Variants in GET4 observed in about 807,000 individuals in gnomAD.
GET4 encodes the protein guided entry of tail-anchored proteins factor 4, also known as Golgi to ER traffic protein 4 homolog.
In GET4, 20 loss-of-function variants were observed where a neutral mutation model predicts 40.0. The ratio of observed to expected loss-of-function variants is 0.50; its 90% CI spans 0.35 to 0.73. GET4 has a LOEUF of 0.73. Ranked by LOEUF, GET4 falls within the 30% of genes least tolerant of loss-of-function variation. GET4 has a pLI of 0.01. For synonymous variants in GET4, 280 were observed against 194.6 expected, an observed-to-expected ratio of 1.44 and a Z score of -3.65; for missense variants, 557 against 454.0, an observed-to-expected ratio of 1.23 and a Z score of -2.06.
chr7:886,599 G>C lies in GET4; in HGVS notation c.265G>C (p.Val89Leu). The change falls in exon 3 of 9, where the codon GTC becomes CTC. Residue 89 changes from valine (V) to leucine (L), a missense_variant. By Grantham distance (32) the Val-to-Leu change is conservative (BLOSUM62 1). Transcript: ENST00000265857. Reference sequence around the variant, plus strand: ...CAGTGCAGCAGACTTGTCCATGCTGGTCCTGGAGTCCCTGGAGAAGGCGGA... The same window carrying C: ...CAGTGCAGCAGACTTGTCCATGCTGCTCCTGGAGTCCCTGGAGAAGGCGGA... Reference protein sequence around the residue: ...QNSAADLSMLVLESLEKAEVE... With the variant: ...QNSAADLSMLLLESLEKAEVE... 6.2e-7 allele frequency: 1 copy of C among 1,613,046 alleles called. No individual in the cohort carries two copies. Among genetic ancestry groups the C allele is most frequent in the Non-Finnish European group, 8.5e-7 (1 of 1,179,536 alleles).
At chr7:887,041 TC>T (rs1433786174) in intron 3 of GET4, 1 of 566,184 alleles carries the variant, frequency 1.8e-6, no homozygotes, top group Non-Finnish European at 3.4e-6. Context: ...CCACTCCTAG[TC>T]CCTGCTGCTC....
rs890768415 is a variant in GET4, at chr7:886,051, G to C, written c.156-5G>C. 6.3e-7 allele frequency: 1 copy of C among 1,584,096 alleles called. No individual in the cohort carries two copies. Among genetic ancestry groups the C allele is most frequent in the Non-Finnish European group, 8.7e-7 (1 of 1,154,332 alleles). On this transcript the variant is annotated splice_polypyrimidine_tract_variant and splice_region_variant and intron_variant, in intron 1 of 8. Transcript: ENST00000265857. ...GCGTGGCTCACGGTCTCCTCTCTGTGGCAGGTACATGTCCCAGAGCAAGCA... is the reference window on the plus strand; with the variant it reads ...GCGTGGCTCACGGTCTCCTCTCTGTCGCAGGTACATGTCCCAGAGCAAGCA...
chr7:886,623 G>A lies in GET4; in HGVS notation c.289G>A (p.Glu97Lys), dbSNP rs1273553303. 1 of 1,612,840 alleles carries A rather than the reference G, an allele frequency of 6.2e-7. No individual in the cohort carries two copies. Among genetic ancestry groups the A allele is most frequent in the Non-Finnish European group, 8.5e-7 (1 of 1,179,514 alleles). The stretch of plus-strand genomic sequence containing the variant: ...GGTCCTGGAGTCCCTGGAGAAGGCG[G>A]AAGTGGAGGTGGCTGACGAGCTGCT... The part of the protein sequence containing the change: ...MLVLESLEKA[E>K]VEVADELLEN... The change falls in exon 3 of 9, where the codon GAA (glutamate) becomes AAA (lysine). Residue 97 changes from glutamate to lysine, a missense_variant. Glu to Lys is a moderately conservative substitution (Grantham distance 56). Transcript: ENST00000265857.
At chr7:878,417 T>C in intron 1 of GET4, 1 of 469,780 alleles carries the variant, frequency 2.1e-6, no homozygotes, top group Non-Finnish European at 4.4e-6. Context: ...GAATTGGGTC[T>C]GTTTTAAAGA....
At chr7:884,238 G>A (rs987485192) in intron 1 of GET4, 16 of 1,303,946 alleles carry the variant, frequency 1.2e-5, no homozygotes, top group East Asian at 5.5e-5. Flanking sequence ...TGGCGGCATC[G>A]TGAGGCCAGG....
chr7:885,736 C>T (rs1314211825), intron 1 of GET4: 1 of 322,664 alleles, frequency 3.1e-6, no homozygotes, highest in Non-Finnish European at 5.8e-6. Context: ...CTTCCCTGCG[C>T]ACCTGCCCTG....
At chr7:887,935 G>GGCA (rs749697662) in intron 4 of GET4, among the ~76,000 whole-genome samples, 75 of 152,242 alleles carry the variant, frequency 4.9e-4, no homozygotes, top group Non-Finnish European at 7.9e-4. Context: ...GGGTCTGGCT[G>GGCA]TCTGCGTGGT....
intron 5 of GET4, among the ~76,000 whole-genome samples, chr7:891,845 A>T (rs1844329625): frequency 6.6e-6 from 1 of 151,854 alleles, no homozygotes; most frequent in African/African-American, 2.4e-5. Context: ...CTCTGGGCTG[A>T]CAGGGGCCCT....
At position 896,134 on chromosome 7, in the gene GET4, C is replaced by A. The variant is rs1844485379; in HGVS notation, c.*712C>A. On this transcript the variant is annotated 3_prime_UTR_variant, in exon 9 of 9. Coordinates refer to ENST00000265857, the MANE Select transcript of GET4 (RefSeq NM_015949.3). ...GGATACCGTGGGACTCTGCCCGTCT[C>A]TTTCATAACGCAATATTTATTTGTA... 6.6e-6 allele frequency: 1 copy of A among 152,244 alleles called. No homozygotes were observed. Among genetic ancestry groups the A allele is most frequent in the African/African-American group, 2.4e-5 (1 of 41,466 alleles). 9.4% of individuals were successfully genotyped at this position (152,244 alleles called of 1,614,324 possible).
intron 6 of GET4, 99 bp downstream of exon 6, chr7:892,517 C>T (rs1384444311): frequency 1.5e-6 from 2 of 1,334,650 alleles, no homozygotes; most frequent in Non-Finnish European, 2.1e-6. Flanking sequence ...CAAGTGTAGC[C>T]ATGGTGTGGG....
At chr7:877,043 C>T (rs1843969754) in intron 1 of GET4, among the ~76,000 whole-genome samples, 1 of 151,656 alleles carries the variant, frequency 6.6e-6, no homozygotes, top group African/African-American at 2.4e-5. Context: ...TTCCCCTCTC[C>T]TGCGTTCCTC....
chr7:886,422 G>C, intron 2 of GET4, 147 bp from the exon 3 acceptor site: 2 of 661,436 alleles, frequency 3.0e-6, no homozygotes, highest in South Asian at 3.6e-5. Flanking sequence ...CTCTTTTTCG[G>C]CGGCATTGCC....
In GET4 at chr7:896,341, T is replaced by G. The variant is rs377677188; in HGVS notation, c.*919T>G. 2 of 152,184 alleles carry G rather than the reference T, an allele frequency of 1.3e-5. No individual in the cohort carries two copies. The highest frequency in any genetic ancestry group is 2.9e-5 in the Non-Finnish European group (2 of 68,030). The allele number at this position is 152,184 out of a possible 1,614,324, so 9.4% of individuals were successfully genotyped here. The stretch of plus-strand genomic sequence containing the variant: ...TTGTAGATTGATACGCAGTTGTGCA[T>G]GGGAAGGGGAAACGCACAGCTTTAT... On this transcript the variant is annotated 3_prime_UTR_variant, in exon 9 of 9. Transcript: ENST00000265857.
Position 879,391 on chromosome 7 carries a change from A to G in GET4, c.155+2591A>G, listed in dbSNP as rs911998767. ...CTTAAAACACTTGTTTGTGCCAGGA[A>G]ATGAGAAAAGAGGAGTGTTTGTGTC... On this transcript the variant is annotated intron_variant, in intron 1 of 8. Transcript: ENST00000265857. Among the ~76,000 whole-genome samples, 14 of 152,334 alleles carry G rather than the reference A, an allele frequency of 9.2e-5. No individual in the cohort carries two copies. In the East Asian group the frequency reaches 2.7e-3, roughly 29 times the overall value.
chr7:887,748 C>A (rs1328710835), intron 4 of GET4, among the ~76,000 whole-genome samples: 1 of 152,208 alleles, frequency 6.6e-6, no homozygotes, highest in Non-Finnish European at 1.5e-5. Flanking sequence ...CCAGGCCTTC[C>A]CGTGGGACGT....
At chr7:883,962 C>G (rs1844137058) in intron 1 of GET4, 1 of 1,070,480 alleles carries the variant, frequency 9.3e-7, no homozygotes, top group East Asian at 8.9e-5. Context: ...CTCCCAGCTG[C>G]CCAGGGAAGA....
chr7:884,582 A>G (rs1219442599), intron 1 of GET4: 1 of 288,630 alleles, frequency 3.5e-6, no homozygotes, highest in African/African-American at 2.2e-5. Context: ...GTGCCAGGCT[A>G]ATGAGATGCC....
chr7:884,185 G>C, intron 1 of GET4: 1 of 1,299,196 alleles, frequency 7.7e-7, no homozygotes. Flanking sequence ...CTGGTGTGGT[G>C]CTTGCTCAGG....
At position 895,425 on chromosome 7, in the gene GET4, T is replaced by A. The variant is rs898517302; in HGVS notation, c.*3T>A. On this transcript the variant is annotated 3_prime_UTR_variant, in exon 9 of 9. Coordinates refer to ENST00000265857, the MANE Select transcript of GET4 (RefSeq NM_015949.3). ...GCAGCCCCATCGAGCTGGACTGAACTGGCCAGGCCACGTGGAGACACCACG... is the reference window on the plus strand; with the variant it reads ...GCAGCCCCATCGAGCTGGACTGAACAGGCCAGGCCACGTGGAGACACCACG... 2.6e-6 allele frequency: 4 copies of A among 1,521,318 alleles called. No individual in the cohort carries two copies. The South Asian group carries it at 3.4e-5, about 13-fold the overall frequency. The allele number at this position is 1,521,318 out of a possible 1,614,324, so 94.2% of individuals were successfully genotyped here.
Sources: allele counts gnomAD v4.1 joint callset (sites outside exome capture counted in the v4.1 genomes callset), GRCh38; gene constraint gnomAD v4.1.1; transcripts MANE v1.5; gene names NCBI Gene and HGNC (gene_info 2026-07-23, HGNC 2026-07-21).